The following ITFG1 variants were observed in gnomAD, a reference collection of about 807,000 sequenced individuals.
ITFG1 encodes T-cell immunomodulatory protein.
In ITFG1, 34 loss-of-function variants were observed where a neutral mutation model predicts 81.8. The observed-to-expected ratio is 0.42, with a 90% CI of 0.32 to 0.55. ITFG1 has a LOEUF of 0.55. Among genes scored for constraint, ITFG1 ranks in the 20% least tolerant of loss-of-function variants. The probability of loss-of-function intolerance (pLI) is 0.17; values close to 1 mark genes in which losing one functional copy is unlikely to be tolerated. For missense variants in ITFG1, 672 were observed against 755.4 expected (o/e 0.89, Z 1.29); for synonymous variants, 285 against 270.6 (o/e 1.05, Z -0.52).
intron 14 of ITFG1, among the ~76,000 whole-genome samples, chr16:47,194,608 C>T (rs1156630821): frequency 6.6e-6 from 1 of 152,186 alleles, no homozygotes; most frequent in African/African-American, 2.4e-5. Flanking sequence ...AAATTATAGA[C>T]TCTTTAGGAC....
intron 5 of ITFG1, among the ~76,000 whole-genome samples, chr16:47,434,464 A>G (rs1969140097): frequency 6.6e-6 from 1 of 152,178 alleles, no homozygotes; most frequent in African/African-American, 2.4e-5. Context: ...AACATCACTG[A>G]TCATTAGAGA....
intron 12 of ITFG1, among the ~76,000 whole-genome samples, chr16:47,245,629 GA>G (rs1460127693): frequency 6.6e-6 from 1 of 152,098 alleles, no homozygotes; most frequent in African/African-American, 2.4e-5. Context: ...GTATAGAACA[GA>G]ATTTCTGGGT....
At chr16:47,400,698 G>A (rs940712347) in intron 6 of ITFG1, among the ~76,000 whole-genome samples, 2 of 152,042 alleles carry the variant, frequency 1.3e-5, no homozygotes, top group Admixed American at 1.3e-4. Flanking sequence ...TCAGTTCAGC[G>A]AAAGGAGGTA....
intron 5 of ITFG1, among the ~76,000 whole-genome samples, chr16:47,439,842 C>T (rs1236565178): frequency 1.3e-5 from 2 of 152,134 alleles, no homozygotes; most frequent in Non-Finnish European, 2.9e-5. Flanking sequence ...ACAATACTAA[C>T]CTTAAATGTA....
At chr16:47,427,424 A>G (rs2151609072) in intron 6 of ITFG1, among the ~76,000 whole-genome samples, 1 of 152,244 alleles carries the variant, frequency 6.6e-6, no homozygotes, top group East Asian at 1.9e-4. Flanking sequence ...TGGGAGTCTG[A>G]GGTGGGTGAA....
At chr16:47,332,214 T>G (rs988096652) in intron 8 of ITFG1, among the ~76,000 whole-genome samples, 1 of 149,276 alleles carries the variant, frequency 6.7e-6, no homozygotes, top group Non-Finnish European at 1.5e-5. Flanking sequence ...TAAAATAAAA[T>G]AAAATAAAAA....
intron 4 of ITFG1, 48 bp from the exon 5 acceptor site, chr16:47,451,518 TTC>T (rs1969389698): frequency 2.0e-6 from 2 of 1,025,612 alleles, no homozygotes; most frequent in Non-Finnish European, 3.0e-6. Context: ...AAATTCTTAC[TTC>T]TAATTTAGCT....
At chr16:47,284,369 A>G (rs1966862434) in intron 10 of ITFG1, among the ~76,000 whole-genome samples, 1 of 152,170 alleles carries the variant, frequency 6.6e-6, no homozygotes, top group African/African-American at 2.4e-5. Context: ...AGTCAAGAAT[A>G]TATGCAACTT....
chr16:47,351,792 C>T (rs192748861), intron 8 of ITFG1, among the ~76,000 whole-genome samples: 42 of 152,246 alleles, frequency 2.8e-4, no homozygotes, highest in Non-Finnish European at 4.4e-4. Flanking sequence ...GGAGGCATCA[C>T]GCTACCTGAC....
intron 16 of ITFG1, 38 bp downstream of exon 16, chr16:47,161,709 TAGC>T (rs751889551): frequency 2.8e-5 from 33 of 1,190,174 alleles, no homozygotes; most frequent in Non-Finnish European, 6.3e-6. Flanking sequence ...AATTCAGAGT[TAGC>T]AGTGTCTTTA....
At chr16:47,216,701 A>C (rs2151526196) in intron 14 of ITFG1, among the ~76,000 whole-genome samples, 1 of 151,854 alleles carries the variant, frequency 6.6e-6, no homozygotes, top group African/African-American at 2.4e-5. Context: ...TTACTCCTTC[A>C]CCAAGGTTGG....
At chr16:47,240,624 C>T (rs1480386948) in intron 12 of ITFG1, among the ~76,000 whole-genome samples, 4 of 152,044 alleles carry the variant, frequency 2.6e-5, no homozygotes, top group Admixed American at 2.6e-4. Context: ...GCGTTAGTCA[C>T]AACAGCCAAG....
chr16:47,180,547 T>G (rs1206755472), intron 14 of ITFG1, among the ~76,000 whole-genome samples: 1 of 152,092 alleles, frequency 6.6e-6, no homozygotes, highest in African/African-American at 2.4e-5. Context: ...CACGCCTGAC[T>G]GTTTTTCGTA....
At chr16:47,346,398 A>G (rs946408152) in intron 8 of ITFG1, among the ~76,000 whole-genome samples, 1 of 152,198 alleles carries the variant, frequency 6.6e-6, no homozygotes, top group African/African-American at 2.4e-5. Flanking sequence ...CAACATATCA[A>G]AACACATGGG....
At chr16:47,355,829 C>T (rs553075800) in intron 8 of ITFG1, among the ~76,000 whole-genome samples, 6 of 150,964 alleles carry the variant, frequency 4.0e-5, no homozygotes, top group African/African-American at 1.5e-4. Context: ...TATACATAAT[C>T]ATATTTTTGA....
chr16:47,365,752 C>CA, intron 8 of ITFG1, 36 bp downstream of exon 8: 1 of 1,168,022 alleles, frequency 8.6e-7, no homozygotes, highest in Non-Finnish European at 1.3e-6. Flanking sequence ...ATTGGAAAGG[C>CA]AAAAGCCTTT....
intron 8 of ITFG1, among the ~76,000 whole-genome samples, chr16:47,362,578 G>A (rs948512279): frequency 9.2e-5 from 14 of 152,178 alleles, no homozygotes; most frequent in African/African-American, 1.7e-4. Flanking sequence ...AGAAACTGTC[G>A]ATTCAACCCA....
rs563332414 is a variant in ITFG1 at position 47,327,775 on chromosome 16, A to T, written c.803-13952T>A. Among the ~76,000 whole-genome samples, 7 of 152,344 alleles carry T rather than the reference A, an allele frequency of 4.6e-5. 1 individual carries two copies. The East Asian group carries it at 1.3e-3, about 29-fold the overall frequency. On this transcript the variant is annotated intron_variant, in intron 8 of 17. Transcript: ENST00000320640. ...GAAATGCAAATCAAAACACAATGAG[A>T]TACCATCTCACACCAGTTAGAATGG...
intron 14 of ITFG1, among the ~76,000 whole-genome samples, chr16:47,174,641 C>G (rs936361128): frequency 1.3e-5 from 2 of 152,160 alleles, no homozygotes; most frequent in African/African-American, 2.4e-5. Context: ...CTGCCTCAGC[C>G]TCCTGAGTAG....
Sources: allele counts gnomAD v4.1 joint callset (sites outside exome capture counted in the v4.1 genomes callset), GRCh38; gene constraint gnomAD v4.1.1; transcripts MANE v1.5; gene names NCBI Gene and HGNC (gene_info 2026-07-23, HGNC 2026-07-21).